WDR75: variants seen among roughly 807,000 people sequenced by gnomAD.
WDR75 encodes the protein WD repeat domain 75.
In WDR75, 52 loss-of-function variants were observed where a neutral mutation model predicts 106.1. The ratio of observed to expected loss-of-function variants is 0.49; its 90% CI spans 0.39 to 0.62. The LOEUF (loss-of-function observed/expected upper bound fraction) is 0.62, where lower values mean the gene tolerates loss of function less well. WDR75 is among the 20% of genes least tolerant of loss of function. WDR75 has a pLI of 0.00. For missense variants in WDR75, 905 were observed against 970.3 expected, an observed-to-expected ratio of 0.93 and a Z score of 0.89; for synonymous variants, 333 against 335.5, an observed-to-expected ratio of 0.99 and a Z score of 0.08.
At chr2:189,460,085 A>G (rs902299945) in intron 8 of WDR75, among the ~76,000 whole-genome samples, 5 of 152,238 alleles carry the variant, frequency 3.3e-5, no homozygotes, top group Non-Finnish European at 7.3e-5. Flanking sequence ...AATACAGGGA[A>G]GTACATCTTG....
chr2:189,450,811 GA>G, intron 2 of WDR75, 91 bp from the exon 3 acceptor site: 1 of 1,557,226 alleles, frequency 6.4e-7, no homozygotes, highest in Non-Finnish European at 8.6e-7. Context: ...TTAATGAATA[GA>G]AAATGCCCCT....
chr2:189,470,109 T>C lies in WDR75; in HGVS notation c.1853T>C (p.Leu618Ser). 1 of 1,613,272 alleles carries C rather than the reference T, an allele frequency of 6.2e-7. No homozygotes were observed. The highest frequency in any genetic ancestry group is 8.5e-7 in the Non-Finnish European group (1 of 1,179,442). The stretch of plus-strand genomic sequence containing the variant: ...TTTAAACCTAGTGAGCCAAGGCCAT[T>C]GTATATTCAAAAGGGTATCTCCAGA... ...FVFKPSEPRP[L>S]YIQKGISREK... The change falls in exon 17 of 21, where the codon TTG becomes TCG. Residue 618 changes from leucine to serine, a missense_variant. Leu to Ser is a moderately radical substitution (Grantham distance 145). Transcript: ENST00000314761.
At chr2:189,457,649 T>A (rs1390707651) in intron 6 of WDR75, among the ~76,000 whole-genome samples, 1 of 152,212 alleles carries the variant, frequency 6.6e-6, no homozygotes, top group Non-Finnish European at 1.5e-5. Flanking sequence ...TGGATGTAGT[T>A]TGACAGGGTT....
In WDR75 at chr2:189,474,403, C is replaced by T. The variant is rs1039044661; in HGVS notation, c.2196+71C>T. On this transcript the variant is annotated intron_variant, in intron 19 of 20. Transcript: ENST00000314761. ...AGCACCTGAAGTTGGAGTTTTGACA[C>T]AGTCAATCTGTAATTTGTATGCTGT... 56 of 1,501,282 alleles carry T rather than the reference C, an allele frequency of 3.7e-5. No individual in the cohort carries two copies. The Admixed American group carries it at 1.1e-3, about 31-fold the overall frequency. 93.0% of individuals were successfully genotyped at this position (1,501,282 alleles called of 1,614,324 possible). A position where few individuals can be genotyped will look rare whatever the true frequency, so the allele number is the denominator to read the frequency against.
Position 189,467,617 on chromosome 2 carries a change from T to A in WDR75, c.1597T>A (p.Cys533Ser), listed in dbSNP as rs756824762. Residue 533 changes from cysteine (C) to serine (S), a missense_variant, in exon 14 of 21, where the codon TGT becomes AGT. Cys to Ser is a moderately radical substitution (Grantham distance 112). Transcript: ENST00000314761. ...GGATTCTGTAACATGGGAACTTAAA[T>A]GTACATTTTGCCAACGAGCTGGGAA... ...IWDSVTWELK[C>S]TFCQRAGKIR... is the part of the protein sequence containing the mutation. 5 of 1,602,832 alleles carry A rather than the reference T, an allele frequency of 3.1e-6. No homozygotes were observed. The highest frequency in any genetic ancestry group is 4.3e-6 in the Non-Finnish European group (5 of 1,174,964).
In WDR75 at chr2:189,458,854, A is replaced by G; in HGVS notation, c.671A>G (p.Asp224Gly). Residue 224 changes from aspartate (D) to glycine (G), a missense_variant, in exon 7 of 21, where the codon GAT (aspartate) becomes GGT (glycine). Physicochemically the swap from Asp to Gly is moderately conservative, Grantham distance 94. Transcript: ENST00000314761. Reference sequence around the variant, plus strand: ...GACTGCATCGCATCTGGTCACATGGATGGCAAAATTCGTCTTTGGTCAGTT... The same window carrying G: ...GACTGCATCGCATCTGGTCACATGGGTGGCAAAATTCGTCTTTGGTCAGTT... ...TEDCIASGHMDGKIRLWRNFY... is the reference protein window; with the variant it reads ...TEDCIASGHMGGKIRLWRNFY... 6.2e-7 allele frequency: 1 copy of G among 1,602,372 alleles called. No individual in the cohort carries two copies.
chr2:189,452,646 C>A (rs1243165711), intron 4 of WDR75, among the ~76,000 whole-genome samples: 1 of 151,964 alleles, frequency 6.6e-6, no homozygotes, highest in Non-Finnish European at 1.5e-5. Context: ...AACATTGGTC[C>A]ATTGAAACTG....
intron 1 of WDR75, among the ~76,000 whole-genome samples, chr2:189,444,040 T>C (rs921629006): frequency 6.6e-6 from 1 of 152,068 alleles, no homozygotes; most frequent in Non-Finnish European, 1.5e-5. Flanking sequence ...TGGATATAGC[T>C]AGTAGTAGGT....
intron 12 of WDR75, among the ~76,000 whole-genome samples, chr2:189,465,462 A>G (rs539360828): frequency 6.6e-6 from 1 of 152,238 alleles, no homozygotes; most frequent in South Asian, 2.1e-4. Flanking sequence ...CATAATGAAT[A>G]AAGAAACATG....
chr2:189,441,913 C>T (rs1686376484), intron 1 of WDR75, among the ~76,000 whole-genome samples: 1 of 152,180 alleles, frequency 6.6e-6, no homozygotes, highest in Non-Finnish European at 1.5e-5. Context: ...CCTACTCTTT[C>T]GTACAGAATC....
intron 15 of WDR75, among the ~76,000 whole-genome samples, chr2:189,468,862 A>G (rs1274577710): frequency 6.6e-6 from 1 of 152,128 alleles, no homozygotes; most frequent in African/African-American, 2.4e-5. Flanking sequence ...TAACAATTTG[A>G]ATAATGTTTT....
At chr2:189,462,136 C>T (rs377441772) in intron 8 of WDR75, among the ~76,000 whole-genome samples, 5 of 151,814 alleles carry the variant, frequency 3.3e-5, no homozygotes, top group African/African-American at 7.2e-5. Flanking sequence ...GTCGTGAAAT[C>T]GGCTTTTTTT....
rs370434777 is a variant in WDR75 at position 189,466,557 on chromosome 2, A to G, written c.1422A>G (p.Ile474Met). The G allele has an allele frequency of 9.3e-6, 15 of 1,612,894 alleles. No individual in the cohort carries two copies. The highest frequency in any genetic ancestry group is 7.7e-5 in the South Asian group (7 of 91,014). Residue 474 changes from isoleucine to methionine, a missense_variant, in exon 13 of 21, where the codon ATA becomes ATG. Transcript: ENST00000314761. Reference protein sequence around the residue: ...ASKDGYFKVWILTDDSDIYKK... With the variant: ...ASKDGYFKVWMLTDDSDIYKK... ...AAGATGGTTACTTCAAAGTATGGAT[A>G]TTAACAGATGACTCTGACATATACA...
intron 1 of WDR75, among the ~76,000 whole-genome samples, chr2:189,443,501 A>G (rs1686430908): frequency 6.6e-6 from 1 of 152,198 alleles, no homozygotes; most frequent in Non-Finnish European, 1.5e-5. Flanking sequence ...GACGGCGGTA[A>G]TCAGTTGTAA....
chr2:189,464,865 C>T (rs1028229604), intron 11 of WDR75, among the ~76,000 whole-genome samples: 5 of 151,970 alleles, frequency 3.3e-5, no homozygotes, highest in African/African-American at 9.7e-5. Flanking sequence ...ATAATTACCA[C>T]CAAATTGATA....
At chr2:189,474,088 A>T in intron 18 of WDR75, 98 bp from the exon 19 acceptor site, 1 of 1,315,172 alleles carries the variant, frequency 7.6e-7, no homozygotes, top group South Asian at 1.6e-5. Flanking sequence ...AATTCCTTTC[A>T]TCCCAGACTT....
intron 13 of WDR75, among the ~76,000 whole-genome samples, 155 bp downstream of exon 13, chr2:189,466,737 T>C (rs184085586): frequency 6.6e-6 from 1 of 152,194 alleles, no homozygotes; most frequent in African/African-American, 2.4e-5. Context: ...GATTACATTT[T>C]ACATGCCTTT....
At chr2:189,444,737 C>G (rs546961321) in intron 1 of WDR75, among the ~76,000 whole-genome samples, 28 of 152,256 alleles carry the variant, frequency 1.8e-4, no homozygotes, top group African/African-American at 6.5e-4. Context: ...ACTATAGCTC[C>G]TCTATATGGC....
intron 14 of WDR75, among the ~76,000 whole-genome samples, chr2:189,467,904 C>T (rs1388768141): frequency 1.3e-5 from 2 of 152,110 alleles, no homozygotes; most frequent in Non-Finnish European, 2.9e-5. Context: ...TGAATGGTAA[C>T]AGAAGCTATA....
Sources: gnomAD v4.1 joint callset for allele counts (sites outside exome capture counted in the v4.1 genomes callset) on GRCh38, gnomAD v4.1.1 for gene constraint, MANE v1.5 for transcripts, NCBI Gene and HGNC (gene_info 2026-07-23, HGNC 2026-07-21) for gene names.